Variants in PIP4K2A observed in about 807,000 individuals in gnomAD.
The protein encoded by PIP4K2A is phosphatidylinositol-5-phosphate 4-kinase type 2 alpha.
A neutral mutation model predicts 42.9 loss-of-function variants in PIP4K2A; 14 were observed. That is an observed-to-expected ratio of 0.33 (90% confidence interval 0.22 to 0.51). PIP4K2A has a LOEUF of 0.51. Among genes scored for constraint, PIP4K2A ranks in the 20% least tolerant of loss-of-function variants. PIP4K2A has a pLI of 0.97. For synonymous variants in PIP4K2A, 192 were observed against 192.2 expected (o/e 1.00, Z 0.01); for missense variants, 434 against 519.8 (o/e 0.83, Z 1.61).
chr10:22,537,527 C>T (rs1487433871), intron 9 of PIP4K2A, among the ~76,000 whole-genome samples: 1 of 152,134 alleles, frequency 6.6e-6, no homozygotes, highest in Non-Finnish European at 1.5e-5. Flanking sequence ...GATGCTACCA[C>T]ACACACCGGG....
At chr10:22,589,324 G>T (rs1837462131) in intron 4 of PIP4K2A, among the ~76,000 whole-genome samples, 1 of 152,212 alleles carries the variant, frequency 6.6e-6, no homozygotes. Context: ...GCTGCAACCT[G>T]TAATTCAATT....
intron 1 of PIP4K2A, among the ~76,000 whole-genome samples, chr10:22,674,545 G>C (rs1052718140): frequency 6.6e-6 from 1 of 151,942 alleles, no homozygotes; most frequent in African/African-American, 2.4e-5. Context: ...CACTATGTTA[G>C]GTGTAGTTCT....
intron 1 of PIP4K2A, among the ~76,000 whole-genome samples, chr10:22,650,663 A>G (rs1190074486): frequency 6.6e-6 from 1 of 151,802 alleles, no homozygotes; most frequent in African/African-American, 2.4e-5. Flanking sequence ...AATGTTCTCA[A>G]CAGAGATAAA....
intron 6 of PIP4K2A, among the ~76,000 whole-genome samples, chr10:22,558,007 T>G (rs1271485044): frequency 6.6e-6 from 1 of 152,230 alleles, no homozygotes; most frequent in African/African-American, 2.4e-5. Context: ...ATTAAAGGAC[T>G]TGTATTTCGG....
intron 1 of PIP4K2A, among the ~76,000 whole-genome samples, chr10:22,664,379 TTA>T: frequency 6.6e-6 from 1 of 150,396 alleles, no homozygotes; most frequent in South Asian, 2.1e-4. Flanking sequence ...CTGAACATAT[TTA>T]TGTTTCCTGG....
At chr10:22,620,776 G>A (rs1438231900) in intron 1 of PIP4K2A, among the ~76,000 whole-genome samples, 1 of 152,216 alleles carries the variant, frequency 6.6e-6, no homozygotes, top group Admixed American at 6.5e-5. Context: ...GCCCATTCCA[G>A]GGCTTTAGCC....
chr10:22,588,965 A>G (rs995907293), intron 4 of PIP4K2A, among the ~76,000 whole-genome samples: 1 of 152,184 alleles, frequency 6.6e-6, no homozygotes, highest in African/African-American at 2.4e-5. Flanking sequence ...ACTTATTTTG[A>G]TCCCACACTT....
intron 3 of PIP4K2A, among the ~76,000 whole-genome samples, chr10:22,599,913 C>T (rs1417789157): frequency 2.0e-5 from 3 of 152,180 alleles, no homozygotes; most frequent in Non-Finnish European, 4.4e-5. Flanking sequence ...ATTGTCCTTT[C>T]CCTTAAGAAA....
intron 1 of PIP4K2A, among the ~76,000 whole-genome samples, chr10:22,651,227 G>C (rs1466538547): frequency 6.6e-6 from 1 of 152,078 alleles, no homozygotes; most frequent in African/African-American, 2.4e-5. Flanking sequence ...CCCTTAACTG[G>C]TCTCCTGCCT....
At chr10:22,607,810 T>C (rs961215999) in intron 3 of PIP4K2A, 117 bp downstream of exon 3, 9 of 598,136 alleles carry the variant, frequency 1.5e-5, no homozygotes, top group Non-Finnish European at 2.1e-5. Flanking sequence ...TTACACAAAA[T>C]GAAAATTACT....
In PIP4K2A at chr10:22,624,746, G is replaced by A. The variant is rs530382325; in HGVS notation, c.145-15029C>T. Among the ~76,000 whole-genome samples, 18 of 152,276 alleles carry A rather than the reference G, an allele frequency of 1.2e-4. 1 individual carries two copies. The highest frequency in any genetic ancestry group is 8.5e-4 in the Admixed American group (13 of 15,304). ...AAGTAAAGGTGAGACTCAACATTGA[G>A]TAAGAAATTAACTGCTTTTCAAGAG... On this transcript the variant is annotated intron_variant, in intron 1 of 9. Transcript: ENST00000376573.
chr10:22,636,879 A>G (rs1838677611), intron 1 of PIP4K2A, among the ~76,000 whole-genome samples: 1 of 152,194 alleles, frequency 6.6e-6, no homozygotes, highest in Non-Finnish European at 1.5e-5. Context: ...ACAAGCACTG[A>G]GCCCTGGGTT....
intron 5 of PIP4K2A, among the ~76,000 whole-genome samples, chr10:22,568,575 T>C (rs1451971175): frequency 2.0e-5 from 3 of 152,198 alleles, no homozygotes; most frequent in African/African-American, 4.8e-5. Context: ...GAGGAAAACA[T>C]GGCCCTTGAT....
intron 1 of PIP4K2A, among the ~76,000 whole-genome samples, chr10:22,703,095 G>C (rs1161165230): frequency 6.6e-6 from 1 of 152,094 alleles, no homozygotes; most frequent in East Asian, 1.9e-4. Flanking sequence ...ATAACTAATA[G>C]GAGCCAACCA....
At chr10:22,549,864 A>G (rs1476112318) in intron 7 of PIP4K2A, among the ~76,000 whole-genome samples, 2 of 148,390 alleles carry the variant, frequency 1.3e-5, no homozygotes, top group Non-Finnish European at 3.0e-5. Flanking sequence ...AAAAAAAAAA[A>G]AAAAAAAAAA....
At chr10:22,618,793 A>C (rs1423919709) in intron 1 of PIP4K2A, among the ~76,000 whole-genome samples, 1 of 152,182 alleles carries the variant, frequency 6.6e-6, no homozygotes, top group Non-Finnish European at 1.5e-5. Context: ...AGAATTACCC[A>C]CATTAGGTGC....
intron 1 of PIP4K2A, among the ~76,000 whole-genome samples, chr10:22,678,668 T>C (rs576217198): frequency 1.6e-4 from 24 of 152,346 alleles, no homozygotes; most frequent in Admixed American, 9.2e-4. Flanking sequence ...CAAATTCTAA[T>C]GTCAGACAAA....
intron 1 of PIP4K2A, among the ~76,000 whole-genome samples, chr10:22,635,085 G>A (rs1489378553): frequency 6.6e-6 from 1 of 152,140 alleles, no homozygotes; most frequent in East Asian, 1.9e-4. Context: ...GCACATTTGG[G>A]GGAGGGAGGG....
intron 1 of PIP4K2A, among the ~76,000 whole-genome samples, chr10:22,654,101 T>C (rs529081610): frequency 2.0e-5 from 3 of 152,230 alleles, no homozygotes; most frequent in Admixed American, 2.0e-4. Context: ...CAGTGAGGGG[T>C]TCTGGAATGG....
Sources: allele counts gnomAD v4.1 joint callset (sites outside exome capture counted in the v4.1 genomes callset), GRCh38; gene constraint gnomAD v4.1.1; transcripts MANE v1.5; gene names NCBI Gene and HGNC (gene_info 2026-07-23, HGNC 2026-07-21).